PIK3C2G: variants seen among roughly 807,000 people sequenced by gnomAD.
The protein encoded by PIK3C2G is phosphatidylinositol 3-kinase C2 domain-containing subunit gamma.
Under a neutral mutation model 181.1 loss-of-function variants are expected in PIK3C2G, and 168 were observed. The ratio of observed to expected loss-of-function variants is 0.93; its 90% CI spans 0.82 to 1.05. PIK3C2G has a LOEUF of 1.05. Among genes scored for constraint, PIK3C2G ranks in the 50% least tolerant of loss-of-function variants. PIK3C2G has a pLI of 0.00. For missense variants in PIK3C2G, 1,869 were observed against 1,732.8 expected, an observed-to-expected ratio of 1.08 and a Z score of -1.40; for synonymous variants, 573 against 592.2, an observed-to-expected ratio of 0.97 and a Z score of 0.47.
rs1051874533 is a variant in PIK3C2G at position 18,429,250 on chromosome 12, T to C, written c.2504+5211T>C. ...AGGAATGCCTAGAGCTACCATAAGCTGGAAGAGGCAAGGAAGGTTCTCCCC... is the reference window on the plus strand; with the variant it reads ...AGGAATGCCTAGAGCTACCATAAGCCGGAAGAGGCAAGGAAGGTTCTCCCC... On this transcript the variant is annotated intron_variant, in intron 18 of 32. Transcript: ENST00000538779. 4.6e-5 allele frequency among the ~76,000 whole-genome samples: 7 copies of C among 152,220 alleles called. No homozygotes were observed. The East Asian group carries it at 9.7e-4, about 21-fold the overall frequency.
At chr12:18,472,949 C>T (rs1333254264) in intron 18 of PIK3C2G, among the ~76,000 whole-genome samples, 1 of 152,146 alleles carries the variant, frequency 6.6e-6, no homozygotes, top group East Asian at 1.9e-4. Flanking sequence ...ATCCACCCAC[C>T]TCACCTTCCA....
chr12:18,373,226 T>C (rs933597421), intron 13 of PIK3C2G, among the ~76,000 whole-genome samples: 50 of 152,294 alleles, frequency 3.3e-4, no homozygotes, highest in African/African-American at 1.2e-3. Context: ...TCACAGCAAA[T>C]TGGTGACTGA....
intron 18 of PIK3C2G, among the ~76,000 whole-genome samples, chr12:18,479,528 G>C (rs1292877818): frequency 6.6e-6 from 1 of 152,140 alleles, no homozygotes; most frequent in Non-Finnish European, 1.5e-5. Context: ...CTGAGGTAAG[G>C]ATTGCCTAAC....
chr12:18,368,482 C>T (rs779516366), intron 12 of PIK3C2G, among the ~76,000 whole-genome samples: 5 of 152,136 alleles, frequency 3.3e-5, no homozygotes, highest in Non-Finnish European at 1.5e-5. Context: ...CCATCCTATC[C>T]GCAGACAGTT....
intron 14 of PIK3C2G, among the ~76,000 whole-genome samples, chr12:18,385,555 A>T (rs1045813237): frequency 3.9e-5 from 6 of 151,904 alleles, no homozygotes; most frequent in Admixed American, 3.9e-4. Context: ...TTCTTGTTCT[A>T]GTCTATGTTT....
At chr12:18,708,107 T>C in the PIK3C2G span, among the ~76,000 whole-genome samples, 6 of 152,342 alleles carry the variant, frequency 3.9e-5, no homozygotes, top group East Asian at 7.7e-4. Context: ...ATTAGATGTC[T>C]AGACTTTTTC....
chr12:18,596,358 C>A (rs1490788315), intron 30 of PIK3C2G, among the ~76,000 whole-genome samples: 2 of 151,938 alleles, frequency 1.3e-5, no homozygotes, highest in African/African-American at 4.8e-5. Flanking sequence ...ATACCAGACT[C>A]AACAAAGCAG....
At chr12:18,312,313 A>C (rs1332607088) in intron 5 of PIK3C2G, among the ~76,000 whole-genome samples, 1 of 152,228 alleles carries the variant, frequency 6.6e-6, no homozygotes, top group African/African-American at 2.4e-5. Flanking sequence ...GGTCAGTTTA[A>C]GTAAGCACGC....
chr12:18,260,541 C>T (rs1384743052), upstream of PIK3C2G, among the ~76,000 whole-genome samples: 1 of 151,956 alleles, frequency 6.6e-6, no homozygotes, highest in Non-Finnish European at 1.5e-5. Context: ...TGGTGTTGTA[C>T]AATTGTGAAC....
At chr12:18,523,939 C>T (rs1943070440) in intron 24 of PIK3C2G, among the ~76,000 whole-genome samples, 1 of 152,138 alleles carries the variant, frequency 6.6e-6, no homozygotes, top group South Asian at 2.1e-4. Context: ...AGGATTGGAC[C>T]ATGAAATATC....
chr12:18,375,656 T>TA (rs1352911817), intron 13 of PIK3C2G, among the ~76,000 whole-genome samples: 21 of 152,214 alleles, frequency 1.4e-4, no homozygotes, highest in African/African-American at 5.1e-4. Flanking sequence ...AGCCAGGTGC[T>TA]AATAGCCAAG....
At position 18,481,763 on chromosome 12, in the gene PIK3C2G, A is replaced by G. The variant is rs1565434364; in HGVS notation, c.2505-6686A>G. On this transcript the variant is annotated intron_variant, in intron 18 of 32. Transcript: ENST00000538779. ...GAGGGAATAAAGAGAGGCAAAGAGA[A>G]TGATTTCAGCCTAACTCTCAAGAGT... Among the ~76,000 whole-genome samples the G allele has an allele frequency of 2.0e-5, 3 of 152,248 alleles. No individual in the cohort carries two copies. In the South Asian group the frequency reaches 6.2e-4, roughly 32 times the overall value.
chr12:18,473,700 T>C (rs1215675324), intron 18 of PIK3C2G, among the ~76,000 whole-genome samples: 2 of 152,216 alleles, frequency 1.3e-5, no homozygotes, highest in African/African-American at 4.8e-5. Context: ...CTTACAGCGG[T>C]GACTTGACTT....
chr12:18,448,501 G>A (rs1236237704), intron 18 of PIK3C2G, among the ~76,000 whole-genome samples: 1 of 152,002 alleles, frequency 6.6e-6, no homozygotes, highest in Non-Finnish European at 1.5e-5. Flanking sequence ...CTAGACTTAT[G>A]CAGCATATAC....
the PIK3C2G span, among the ~76,000 whole-genome samples, chr12:18,720,831 C>T: frequency 5.3e-5 from 8 of 151,944 alleles, no homozygotes; most frequent in African/African-American, 1.9e-4. Flanking sequence ...CAAATTAAAG[C>T]TCAAAATATG....
intron 21 of PIK3C2G, 52 bp from the exon 22 acceptor site, chr12:18,497,547 GTACTGTATTTGACTGCTTTT>G (rs1941114044): frequency 1.7e-6 from 2 of 1,174,056 alleles, no homozygotes; most frequent in Admixed American, 2.0e-5. Context: ...AAAGTGACAT[GTACTGTATTTGACTGCTTTT>G]AATTAACAAA....
the PIK3C2G span, among the ~76,000 whole-genome samples, chr12:18,663,912 C>T: frequency 1.3e-5 from 2 of 152,060 alleles, no homozygotes; most frequent in African/African-American, 4.8e-5. Flanking sequence ...AATAGCCAAA[C>T]AACCTGGTTT....
intron 1 of PIK3C2G, among the ~76,000 whole-genome samples, chr12:18,275,768 A>G (rs1485294027): frequency 1.3e-5 from 2 of 152,200 alleles, no homozygotes; most frequent in African/African-American, 2.4e-5. Flanking sequence ...ATGGAAACCA[A>G]TTCAAAGACC....
At chr12:18,286,203 C>T (rs1462489082) in intron 2 of PIK3C2G, among the ~76,000 whole-genome samples, 1 of 152,008 alleles carries the variant, frequency 6.6e-6, no homozygotes, top group Non-Finnish European at 1.5e-5. Context: ...CCTACATGCA[C>T]TCACTGACCA....
Sources: gnomAD v4.1 joint callset for allele counts (sites outside exome capture counted in the v4.1 genomes callset) on GRCh38, gnomAD v4.1.1 for gene constraint, MANE v1.5 for transcripts, NCBI Gene and HGNC (gene_info 2026-07-23, HGNC 2026-07-21) for gene names.